Variants in GLIS1 observed in about 807,000 individuals in gnomAD.
GLIS1 encodes zinc finger protein GLIS1.
In GLIS1, 24 loss-of-function variants were observed where a neutral mutation model predicts 63.8. That is an observed-to-expected ratio of 0.38 (90% CI 0.27 to 0.53). The LOEUF is 0.53. Ranked by LOEUF, GLIS1 falls within the 20% of genes least tolerant of loss-of-function variation. The pLI, the probability that GLIS1 is intolerant of heterozygous loss-of-function variation, is 0.85. For missense variants in GLIS1, 1,036 were observed against 1,074.1 expected (o/e 0.96, Z 0.50); for synonymous variants, 450 against 482.5 (o/e 0.93, Z 0.88).
intron 4 of GLIS1, among the ~76,000 whole-genome samples, chr1:53,583,761 G>A (rs545074997): frequency 6.6e-6 from 1 of 152,338 alleles, no homozygotes; most frequent in African/African-American, 2.4e-5. Flanking sequence ...GAAAGTCGGT[G>A]CCTTAATCAC....
chr1:53,668,785 C>T (rs1357982002), intron 2 of GLIS1, among the ~76,000 whole-genome samples: 2 of 152,120 alleles, frequency 1.3e-5, no homozygotes, highest in African/African-American at 4.8e-5. Flanking sequence ...CCCATCTAGG[C>T]GTGCGTAAGT....
At chr1:53,507,732 G>A (rs1392455604) in intron 10 of GLIS1, among the ~76,000 whole-genome samples, 3 of 152,212 alleles carry the variant, frequency 2.0e-5, no homozygotes, top group South Asian at 4.1e-4. Context: ...GGGGAGAGGG[G>A]AGGCTGAAAG....
At position 53,517,638 on chromosome 1, in the gene GLIS1, G is replaced by A. The variant is rs952801601; in HGVS notation, c.1727-2857C>T. ...ATGGGCCTGGCAGATAAGCTCCCAG[G>A]GGTTGGGTGGGGGGTCTCCTGTGCA... On this transcript the variant is annotated intron_variant, in intron 7 of 10. Transcript: ENST00000628545. Among the ~76,000 whole-genome samples, 8 of 147,692 alleles carry A rather than the reference G, an allele frequency of 5.4e-5. No individual in the cohort carries two copies. The South Asian group carries it at 6.3e-4, about 12-fold the overall frequency.
chr1:53,518,746 C>T (rs950107373), intron 7 of GLIS1, among the ~76,000 whole-genome samples: 6 of 152,224 alleles, frequency 3.9e-5, no homozygotes, highest in African/African-American at 1.2e-4. Context: ...TCACATCCTA[C>T]TGCACAGCGT....
intron 2 of GLIS1, among the ~76,000 whole-genome samples, chr1:53,675,394 G>A (rs1646200403): frequency 1.3e-5 from 2 of 152,190 alleles, no homozygotes; most frequent in Non-Finnish European, 2.9e-5. Flanking sequence ...TGATGGTGAA[G>A]CCTGTGCTCT....
chr1:53,538,006 G>A (rs955024084), intron 4 of GLIS1, among the ~76,000 whole-genome samples: 1 of 152,214 alleles, frequency 6.6e-6, no homozygotes, highest in African/African-American at 2.4e-5. Flanking sequence ...TCCTGCGTTT[G>A]GCCAGCTTTA....
intron 4 of GLIS1, among the ~76,000 whole-genome samples, chr1:53,555,918 T>C (rs1200771294): frequency 7.1e-6 from 1 of 140,312 alleles, no homozygotes; most frequent in Non-Finnish European, 1.5e-5. Context: ...GGTGTGTGTG[T>C]GCGGTGTATT....
At chr1:53,565,707 G>C (rs562215801) in intron 4 of GLIS1, among the ~76,000 whole-genome samples, 1 of 151,924 alleles carries the variant, frequency 6.6e-6, no homozygotes, top group Non-Finnish European at 1.5e-5. Flanking sequence ...AAAGTAATTG[G>C]ATCAGTAGTT....
chr1:53,662,354 C>G (rs1447779393), intron 2 of GLIS1, among the ~76,000 whole-genome samples: 1 of 152,116 alleles, frequency 6.6e-6, no homozygotes, highest in Non-Finnish European at 1.5e-5. Flanking sequence ...CATCCCTTGC[C>G]GTCTATTGAA....
intron 4 of GLIS1, among the ~76,000 whole-genome samples, chr1:53,588,963 C>T (rs1402794130): frequency 6.6e-6 from 1 of 152,210 alleles, no homozygotes; most frequent in African/African-American, 2.4e-5. Context: ...CTCAGGATAT[C>T]CCATGGGATA....
At chr1:53,558,903 C>T (rs144792411) in intron 4 of GLIS1, among the ~76,000 whole-genome samples, 62 of 152,310 alleles carry the variant, frequency 4.1e-4, no homozygotes, top group African/African-American at 1.4e-3. Context: ...CAGAGCTTAG[C>T]GAGCAAACAC....
At chr1:53,631,527 T>C (rs1645652130) in intron 2 of GLIS1, among the ~76,000 whole-genome samples, 1 of 152,254 alleles carries the variant, frequency 6.6e-6, no homozygotes, top group African/African-American at 2.4e-5. Flanking sequence ...CCAGAGACTA[T>C]TCTAGGTGCT....
chr1:53,630,537 C>A (rs1645640873), intron 2 of GLIS1, among the ~76,000 whole-genome samples: 1 of 151,952 alleles, frequency 6.6e-6, no homozygotes, highest in Non-Finnish European at 1.5e-5. Flanking sequence ...ACTCTGTTGC[C>A]CAGGCTGGAG....
intron 4 of GLIS1, among the ~76,000 whole-genome samples, chr1:53,534,478 A>G (rs1442730937): frequency 6.6e-6 from 1 of 151,932 alleles, no homozygotes; most frequent in Admixed American, 6.5e-5. Flanking sequence ...CCCCACTGCA[A>G]GGGCTGAGTG....
At chr1:53,643,620 T>A (rs1645811004) in intron 2 of GLIS1, among the ~76,000 whole-genome samples, 1 of 152,178 alleles carries the variant, frequency 6.6e-6, no homozygotes, top group Non-Finnish European at 1.5e-5. Context: ...AGCTGTGGCT[T>A]ACTAGCTATG....
At position 53,529,878 on chromosome 1, in the gene GLIS1, C is replaced by T. The variant is rs1644511177; in HGVS notation, c.1395G>A (p.Lys465=). The T allele has an allele frequency of 3.1e-6, 5 of 1,613,814 alleles. No individual in the cohort carries two copies. The South Asian group carries it at 3.3e-5, about 11-fold the overall frequency. ...KIHLRSHTGE[K]PYLCQHPGCQ... is the part of the protein sequence containing the mutation. ...AACCCGGGTGCTGGCACAGGTACGG[C>T]TTCTCGCCCGTGTGGCTCCTCAGGT... The change falls in exon 5 of 11, where the codon AAG becomes AAA. Residue 465 remains lysine (K), a synonymous_variant. Coordinates refer to ENST00000628545, the MANE Select transcript of GLIS1 (RefSeq NM_001367484.1).
chr1:53,700,176 C>T (rs1355945598), intron 2 of GLIS1, among the ~76,000 whole-genome samples: 2 of 152,180 alleles, frequency 1.3e-5, no homozygotes, highest in African/African-American at 2.4e-5. Context: ...TGCGCAAGGC[C>T]CTCGGCCTGG....
intron 3 of GLIS1, 122 bp downstream of exon 3, chr1:53,599,979 C>A (rs1645299362): frequency 2.1e-6 from 1 of 481,718 alleles, no homozygotes; most frequent in Non-Finnish European, 3.3e-6. Context: ...TTCTGAGCTA[C>A]GGGCCCCTCG....
At chr1:53,715,687 T>G (rs1436977674) in intron 2 of GLIS1, among the ~76,000 whole-genome samples, 1 of 151,942 alleles carries the variant, frequency 6.6e-6, no homozygotes, top group Non-Finnish European at 1.5e-5. Context: ...GAGCTGCCGG[T>G]GCAGGGAGAC....
Sources: allele counts gnomAD v4.1 joint callset (sites outside exome capture counted in the v4.1 genomes callset), GRCh38; gene constraint gnomAD v4.1.1; transcripts MANE v1.5; gene names NCBI Gene and HGNC (gene_info 2026-07-23, HGNC 2026-07-21).